The following PIK3R5 variants were observed in gnomAD, a reference collection of about 807,000 sequenced individuals.
PIK3R5 encodes phosphoinositide-3-kinase regulatory subunit 5.
Under a neutral mutation model 94.9 loss-of-function variants are expected in PIK3R5, and 32 were observed. That is an observed-to-expected ratio of 0.34 (90% CI 0.25 to 0.45). The LOEUF is 0.45. Ranked by LOEUF, PIK3R5 falls within the 20% of genes least tolerant of loss-of-function variation. The pLI is 1.00. For missense variants in PIK3R5, 853 were observed against 1,144.6 expected, an observed-to-expected ratio of 0.75 and a Z score of 3.68; for synonymous variants, 443 against 479.4, an observed-to-expected ratio of 0.92 and a Z score of 0.99.
At chr17:8,942,595 T>C (rs966965566) in intron 1 of PIK3R5, among the ~76,000 whole-genome samples, 1 of 151,486 alleles carries the variant, frequency 6.6e-6, no homozygotes, top group Admixed American at 6.6e-5. Context: ...CTGTCAGCCT[T>C]ATTCTTTTTC....
At chr17:8,886,700 T>G in intron 12 of PIK3R5, 95 bp from the exon 13 acceptor site, 6 of 1,357,288 alleles carry the variant, frequency 4.4e-6, no homozygotes, top group Non-Finnish European at 5.0e-6. Context: ...AAGAGAGACA[T>G]AGAGGCAGCC....
rs1211989293 is a variant in PIK3R5 at position 8,887,603 on chromosome 17, C to G, written c.1697G>C (p.Gly566Ala). ...FFYVPVKRSH[G>A]TSPGACPPPR... Reference sequence around the variant, plus strand: ...GGGTGGACAGGCACCAGGGCTGGTCCCATGACTTCGCTTCACAGGCACGTA... The same window carrying G: ...GGGTGGACAGGCACCAGGGCTGGTCGCATGACTTCGCTTCACAGGCACGTA... Residue 566 changes from glycine to alanine, a missense_variant, in exon 11 of 19, where the codon GGG (glycine) becomes GCG (alanine). This residue lies in a region of PIK3R5 where 319 missense variants were observed against 339.8 expected (regional missense o/e 0.94). Coordinates refer to ENST00000447110, the MANE Select transcript of PIK3R5 (RefSeq NM_001142633.3). 6.2e-7 allele frequency: 1 copy of G among 1,610,100 alleles called. No individual in the cohort carries two copies. The highest frequency in any genetic ancestry group is 1.7e-5 in the Admixed American group (1 of 59,500).
chr17:8,893,854 G>A lies in PIK3R5; in HGVS notation c.413-199C>T, dbSNP rs1251746437. 6.2e-6 allele frequency: 3 copies of A among 481,412 alleles called. No homozygotes were observed. Among genetic ancestry groups the A allele is most frequent in the South Asian group, 5.3e-5 (2 of 37,440 alleles). 29.8% of individuals were successfully genotyped at this position (481,412 alleles called of 1,614,324 possible). On this transcript the variant is annotated intron_variant, in intron 5 of 18. Coordinates refer to ENST00000447110, the MANE Select transcript of PIK3R5 (RefSeq NM_001142633.3). The surrounding 1 kb of genome is among the most constrained non-coding windows in gnomAD (Gnocchi z 5.1). ...CTATGCGTCCTTTTACACCTCACGA[G>A]TCATATCCCCACCTCCACCTCCAAC...
intron 3 of PIK3R5, among the ~76,000 whole-genome samples, chr17:8,906,157 G>T (rs966333196): frequency 2.6e-5 from 4 of 151,314 alleles, no homozygotes; most frequent in Non-Finnish European, 5.9e-5. Flanking sequence ...CCCTCCCCTT[G>T]TCCCCCATCC....
intron 1 of PIK3R5, among the ~76,000 whole-genome samples, chr17:8,938,105 C>A (rs1190315442): frequency 6.6e-6 from 1 of 152,140 alleles, no homozygotes; most frequent in African/African-American, 2.4e-5. Context: ...GCCACCGCAC[C>A]CGGCCATTTT....
Position 8,888,157 on chromosome 17 carries a change from A to G in PIK3R5, c.1616+14T>C. The G allele has an allele frequency of 1.2e-6, 2 of 1,612,998 alleles. No homozygotes were observed. Among genetic ancestry groups the G allele is most frequent in the Non-Finnish European group, 1.7e-6 (2 of 1,179,742 alleles). ...TACCCAGGGCAGAGGGATGCTCCGC[A>G]TTACGGCTCTTACCGAAGGTTGCTG... On this transcript the variant is annotated intron_variant, in intron 10 of 18. Coordinates refer to ENST00000447110, the MANE Select transcript of PIK3R5 (RefSeq NM_001142633.3). This position sits in a 1 kb window ranked among gnomAD's most constrained non-coding sequence, Gnocchi z 7.8.
At chr17:8,928,202 G>A (rs184257081) in intron 1 of PIK3R5, among the ~76,000 whole-genome samples, 2 of 152,330 alleles carry the variant, frequency 1.3e-5, no homozygotes, top group East Asian at 3.9e-4. Flanking sequence ...GTACCAGTGG[G>A]AGAGGAGAAA....
Position 8,888,091 on chromosome 17 carries a change from T to C in PIK3R5, c.1616+80A>G, listed in dbSNP as rs1567635591. The C allele has an allele frequency of 3.9e-6, 5 of 1,277,130 alleles. No individual in the cohort carries two copies. The highest frequency in any genetic ancestry group is 4.9e-5 in the East Asian group (2 of 41,108). 79.1% of individuals were successfully genotyped at this position (1,277,130 alleles called of 1,614,324 possible). ...GGAACTTTTGGTTCCTCTGGGGCCC[T>C]AAGCCTCAGGCCCCAGATTCCACCA... On this transcript the variant is annotated intron_variant, in intron 10 of 18. Coordinates refer to ENST00000447110, the MANE Select transcript of PIK3R5 (RefSeq NM_001142633.3). The surrounding 1 kb of genome is among the most constrained non-coding windows in gnomAD (Gnocchi z 7.8).
intron 1 of PIK3R5, among the ~76,000 whole-genome samples, chr17:8,949,166 A>C (rs572634642): frequency 1.3e-5 from 2 of 152,280 alleles, no homozygotes; most frequent in East Asian, 3.9e-4. Flanking sequence ...CTGGGAGATG[A>C]TGCTGCATGG....
At chr17:8,919,006 A>C (rs904087539) in intron 1 of PIK3R5, among the ~76,000 whole-genome samples, 47 of 152,226 alleles carry the variant, frequency 3.1e-4, no homozygotes, top group African/African-American at 4.3e-4. Flanking sequence ...CACCACATAG[A>C]CATTCACTAT....
At chr17:8,952,571 T>C (rs539901960) in intron 1 of PIK3R5, among the ~76,000 whole-genome samples, 9 of 152,304 alleles carry the variant, frequency 5.9e-5, no homozygotes, top group Admixed American at 3.3e-4. Flanking sequence ...CAGACACTCA[T>C]TGGAGCAAAC....
intron 1 of PIK3R5, among the ~76,000 whole-genome samples, chr17:8,923,680 G>A (rs369242759): frequency 4.6e-5 from 7 of 152,150 alleles, no homozygotes; most frequent in Non-Finnish European, 8.8e-5. Context: ...GCACTTACAC[G>A]GGAGACTGTT....
chr17:8,918,843 C>T (rs2090676760), intron 1 of PIK3R5, among the ~76,000 whole-genome samples: 1 of 152,172 alleles, frequency 6.6e-6, no homozygotes, highest in African/African-American at 2.4e-5. Flanking sequence ...ATATCAGCAT[C>T]ATGTATCCCC....
intron 1 of PIK3R5, among the ~76,000 whole-genome samples, chr17:8,948,424 G>A (rs578190177): frequency 5.9e-5 from 9 of 152,274 alleles, no homozygotes; most frequent in African/African-American, 2.2e-4. Flanking sequence ...TGGCCAGGAG[G>A]AGGATTGAGA....
chr17:8,908,527 T>TAA (rs1257412752), intron 3 of PIK3R5, among the ~76,000 whole-genome samples: 2 of 77,300 alleles, frequency 2.6e-5, no homozygotes, highest in African/African-American at 1.1e-4. Flanking sequence ...TTAAAATAAT[T>TAA]AAAACACACA....
At chr17:8,920,606 C>T (rs148557628) in intron 1 of PIK3R5, among the ~76,000 whole-genome samples, 4 of 152,308 alleles carry the variant, frequency 2.6e-5, no homozygotes, top group African/African-American at 9.6e-5. Context: ...CAAATTTCTT[C>T]CAGAGTTATT....
chr17:8,917,932 G>A (rs1344556710), intron 1 of PIK3R5, among the ~76,000 whole-genome samples: 3 of 152,094 alleles, frequency 2.0e-5, no homozygotes, highest in Non-Finnish European at 2.9e-5. Flanking sequence ...AGACAAATAA[G>A]TGAATAAACC....
At chr17:8,903,271 A>G (rs1018344915) in intron 5 of PIK3R5, among the ~76,000 whole-genome samples, 1 of 151,800 alleles carries the variant, frequency 6.6e-6, no homozygotes, top group African/African-American at 2.4e-5. Flanking sequence ...ATAATTTTGT[A>G]TATTTAATAT....
intron 3 of PIK3R5, among the ~76,000 whole-genome samples, chr17:8,906,775 C>T (rs1017942088): frequency 4.0e-5 from 6 of 151,894 alleles, no homozygotes; most frequent in Admixed American, 1.3e-4. Context: ...CCCAACTACT[C>T]GGGAGGCTGA....
Sources: gnomAD v4.1 joint callset for allele counts (sites outside exome capture counted in the v4.1 genomes callset) on GRCh38, gnomAD v4.1.1 for gene constraint, gnomAD v4.1.1 regional missense constraint, Gnocchi (gnomAD v3.1) non-coding constraint, MANE v1.5 for transcripts, NCBI Gene and HGNC (gene_info 2026-07-23, HGNC 2026-07-21) for gene names.